Variants in CTNNA3 observed in about 807,000 individuals in gnomAD.
CTNNA3 encodes catenin alpha 3, also known as catenin alpha-3.
In CTNNA3, 76 loss-of-function variants were observed where a neutral mutation model predicts 95.7. That is an observed-to-expected ratio of 0.79 (90% confidence interval 0.66 to 0.96). The LOEUF (loss-of-function observed/expected upper bound fraction) is 0.96, where lower values mean the gene tolerates loss of function less well. Ranked by LOEUF, CTNNA3 falls within the 40% of genes least tolerant of loss-of-function variation. The probability of loss-of-function intolerance (pLI) is 0.00; values close to 1 mark genes in which losing one functional copy is unlikely to be tolerated. For synonymous variants in CTNNA3, 431 were observed against 374.4 expected (o/e 1.15, Z -1.74); for missense variants, 1,191 against 1,089.8 (o/e 1.09, Z -1.31).
chr10:67,461,607 C>G (rs942720961), intron 5 of CTNNA3, among the ~76,000 whole-genome samples: 2 of 152,044 alleles, frequency 1.3e-5, no homozygotes, highest in African/African-American at 4.8e-5. Context: ...TATAAAATGA[C>G]CACAGAAGAA....
At chr10:67,054,559 C>G (rs889272462) in intron 7 of CTNNA3, 1 of 152,122 alleles carries the variant, frequency 6.6e-6, no homozygotes, top group African/African-American at 2.4e-5. Context: ...CTTATTGGTT[C>G]CCTAATAGAA....
At chr10:67,067,232 T>G (rs1024318057) in intron 7 of CTNNA3, among the ~76,000 whole-genome samples, 11 of 152,168 alleles carry the variant, frequency 7.2e-5, no homozygotes, top group African/African-American at 2.7e-4. Context: ...TAAGTATGTG[T>G]GTATATTTAT....
intron 13 of CTNNA3, among the ~76,000 whole-genome samples, chr10:66,208,295 A>G (rs1246348628): frequency 1.3e-5 from 2 of 152,088 alleles, no homozygotes; most frequent in Non-Finnish European, 2.9e-5. Context: ...TAAACCTGCC[A>G]ATGCCACTCC....
At chr10:66,464,835 C>T (rs4745900) in intron 11 of CTNNA3, among the ~76,000 whole-genome samples, 26,496 of 151,374 alleles carry the variant, frequency 0.18, 4,311 homozygotes, top group East Asian at 0.52. Flanking sequence ...TTGTCTCTTA[C>T]AGGCTAATTG....
At chr10:66,631,647 T>A (rs879170320) in intron 9 of CTNNA3, among the ~76,000 whole-genome samples, 9 of 152,148 alleles carry the variant, frequency 5.9e-5, no homozygotes, top group Non-Finnish European at 1.0e-4. Flanking sequence ...TCAAACAAAA[T>A]CCAGAAATTT....
intron 9 of CTNNA3, among the ~76,000 whole-genome samples, chr10:66,671,797 T>C (rs1365965115): frequency 1.3e-5 from 2 of 152,190 alleles, no homozygotes; most frequent in East Asian, 3.8e-4. Context: ...ATTCAGCCTC[T>C]CTATGCCTCA....
chr10:67,003,805 T>C (rs1052257503), intron 7 of CTNNA3, among the ~76,000 whole-genome samples: 2 of 152,196 alleles, frequency 1.3e-5, no homozygotes, highest in African/African-American at 4.8e-5. Flanking sequence ...ATTTTGTTAA[T>C]AGATTCATGT....
chr10:66,640,567 C>G (rs974285369), intron 9 of CTNNA3, among the ~76,000 whole-genome samples: 3 of 152,114 alleles, frequency 2.0e-5, no homozygotes, highest in Non-Finnish European at 4.4e-5. Flanking sequence ...GAAGATTACT[C>G]CCCAGTAAAT....
chr10:67,135,134 A>G (rs1399816435), intron 7 of CTNNA3, among the ~76,000 whole-genome samples: 1 of 152,148 alleles, frequency 6.6e-6, no homozygotes, highest in Non-Finnish European at 1.5e-5. Context: ...AAATATCTAG[A>G]GATACAGAGA....
At position 67,203,355 on chromosome 10, in the gene CTNNA3, C is replaced by T. The variant is rs145465189; in HGVS notation, c.843+16252G>A. Among the ~76,000 whole-genome samples, 950 of 152,264 alleles carry T rather than the reference C, an allele frequency of 6.2e-3. 5 individuals are homozygous for T. The highest frequency in any genetic ancestry group is 0.01 in the Non-Finnish European group (708 of 68,030). On this transcript the variant is annotated intron_variant, in intron 6 of 17. Coordinates refer to ENST00000433211, the MANE Select transcript of CTNNA3 (RefSeq NM_013266.4). Reference sequence around the variant, plus strand: ...AAGAAGTAACTTTGCTCCTCATTCGCCTTCCACCATGATTGTGAGGCCTCC... The same window carrying T: ...AAGAAGTAACTTTGCTCCTCATTCGTCTTCCACCATGATTGTGAGGCCTCC...
chr10:66,391,459 T>C (rs1308407930), intron 11 of CTNNA3, among the ~76,000 whole-genome samples: 3 of 152,158 alleles, frequency 2.0e-5, no homozygotes, highest in Non-Finnish European at 4.4e-5. Context: ...TTTAATGTCC[T>C]GTTGAACAGA....
At chr10:67,326,892 C>A (rs1482251919) in intron 5 of CTNNA3, among the ~76,000 whole-genome samples, 2 of 152,058 alleles carry the variant, frequency 1.3e-5, no homozygotes, top group African/African-American at 2.4e-5. Context: ...TTACATAATC[C>A]CATATTTCTT....
intron 13 of CTNNA3, among the ~76,000 whole-genome samples, chr10:66,173,840 C>G (rs1364860608): frequency 6.6e-6 from 1 of 152,112 alleles, no homozygotes; most frequent in South Asian, 2.1e-4. Context: ...CATTCAACAT[C>G]TATTGAGCAC....
chr10:66,881,196 A>C (rs141289647), intron 7 of CTNNA3, among the ~76,000 whole-genome samples: 2 of 152,152 alleles, frequency 1.3e-5, no homozygotes, highest in Non-Finnish European at 2.9e-5. Context: ...CATAAGAAAC[A>C]GTTTATATGA....
chr10:66,342,289 C>G (rs1452584510), intron 12 of CTNNA3, among the ~76,000 whole-genome samples: 1 of 151,874 alleles, frequency 6.6e-6, no homozygotes, highest in African/African-American at 2.4e-5. Context: ...CAGAGCCCAA[C>G]AAAATGCCTG....
chr10:67,127,533 A>C (rs934186873), intron 7 of CTNNA3, among the ~76,000 whole-genome samples: 1 of 152,164 alleles, frequency 6.6e-6, no homozygotes, highest in Non-Finnish European at 1.5e-5. Context: ...TTCCAGGAAA[A>C]GATGACCCTA....
intron 5 of CTNNA3, among the ~76,000 whole-genome samples, chr10:67,449,874 A>C (rs1163591952): frequency 6.6e-6 from 1 of 152,050 alleles, no homozygotes; most frequent in Non-Finnish European, 1.5e-5. Context: ...GACAACCTAA[A>C]TAGTAGGAAA....
At chr10:67,692,435 C>A (rs1840884096) in intron 1 of CTNNA3, among the ~76,000 whole-genome samples, 1 of 131,568 alleles carries the variant, frequency 7.6e-6, no homozygotes, top group Non-Finnish European at 1.6e-5. Flanking sequence ...GATCTGTGAC[C>A]TTACCCCCAA....
intron 7 of CTNNA3, among the ~76,000 whole-genome samples, chr10:67,136,562 G>A (rs2132031827): frequency 6.6e-6 from 1 of 151,984 alleles, no homozygotes; most frequent in East Asian, 1.9e-4. Flanking sequence ...GAGAGAAGGA[G>A]AGAGAGAGAG....
Sources: allele counts gnomAD v4.1 joint callset (sites outside exome capture counted in the v4.1 genomes callset), GRCh38; gene constraint gnomAD v4.1.1; transcripts MANE v1.5; gene names NCBI Gene and HGNC (gene_info 2026-07-23, HGNC 2026-07-21).